The following EFR3B variants were observed in gnomAD, a reference collection of about 807,000 sequenced individuals.
The protein encoded by EFR3B is protein EFR3 homolog B.
In EFR3B, 64 loss-of-function variants were observed where a neutral mutation model predicts 104.7. The ratio of observed to expected loss-of-function variants is 0.61; its 90% CI spans 0.50 to 0.75. The LOEUF is 0.75. EFR3B is among the 30% of genes least tolerant of loss of function. EFR3B has a pLI of 0.00. For missense variants in EFR3B, 750 were observed against 1,078.5 expected (o/e 0.70, Z 4.27); for synonymous variants, 385 against 417.9 (o/e 0.92, Z 0.96).
chr2:25,131,225 C>T lies in EFR3B; in HGVS notation c.850-143C>T, dbSNP rs1322630601. On this transcript the variant is annotated intron_variant, in intron 8 of 22. Transcript: ENST00000403714. This position sits in a 1 kb window ranked among gnomAD's most constrained non-coding sequence, Gnocchi z 7.6. ...GAAGGGAAGGATCCAGTAAAGGGCA[C>T]GAGGTGTCAGTGCCAACTGCAGTGC... The T allele has an allele frequency of 3.6e-6, 4 of 1,118,368 alleles. No individual in the cohort carries two copies. Among genetic ancestry groups the T allele is most frequent in the Non-Finnish European group, 5.0e-6 (4 of 804,554 alleles). 69.3% of individuals were successfully genotyped at this position (1,118,368 alleles called of 1,614,324 possible).
intron 1 of EFR3B, among the ~76,000 whole-genome samples, chr2:25,076,329 G>T (rs745740612): frequency 2.0e-5 from 3 of 152,158 alleles, no homozygotes; most frequent in Non-Finnish European, 2.9e-5. Context: ...TTGGGAAAAA[G>T]ATTTTAATAA....
chr2:25,042,671 G>A lies in EFR3B; in HGVS notation c.7+352G>A. ...TTTGCGGAATTAACAAAAGCGGTTTGTGCCTGGGAGTTTTCTGTGGGAAGC... is the reference window on the plus strand; with the variant it reads ...TTTGCGGAATTAACAAAAGCGGTTTATGCCTGGGAGTTTTCTGTGGGAAGC... On this transcript the variant is annotated intron_variant, in intron 1 of 22. Coordinates refer to ENST00000403714, the MANE Select transcript of EFR3B (RefSeq NM_014971.2). The surrounding 1 kb of genome is among the most constrained non-coding windows in gnomAD (Gnocchi z 5.4). 1 of 1,039,292 alleles carries A rather than the reference G, an allele frequency of 9.6e-7. No homozygotes were observed. The highest frequency in any genetic ancestry group is 1.2e-6 in the Non-Finnish European group (1 of 864,910). The allele number at this position is 1,039,292 out of a possible 1,614,324, so 64.4% of individuals were successfully genotyped here. A position where few individuals can be genotyped will look rare whatever the true frequency, so the allele number is the denominator to read the frequency against.
At chr2:25,087,727 C>T (rs550751410) in intron 1 of EFR3B, among the ~76,000 whole-genome samples, 6 of 152,304 alleles carry the variant, frequency 3.9e-5, no homozygotes, top group Non-Finnish European at 8.8e-5. Context: ...CCTACATCAG[C>T]CTCCCAAAGT....
intron 4 of EFR3B, among the ~76,000 whole-genome samples, chr2:25,116,310 G>A (rs1291335756): frequency 6.6e-6 from 1 of 152,104 alleles, no homozygotes; most frequent in African/African-American, 2.4e-5. Flanking sequence ...GTTCCTAGGA[G>A]GTGATAGATA....
intron 4 of EFR3B, among the ~76,000 whole-genome samples, chr2:25,112,572 G>A (rs1277728820): frequency 3.9e-5 from 6 of 152,192 alleles, no homozygotes; most frequent in Non-Finnish European, 7.3e-5. Flanking sequence ...AGTGAAAACT[G>A]CTCTAGGGAA....
In EFR3B at chr2:25,131,976, G is replaced by T. The variant is rs1383206257; in HGVS notation, c.1147+65G>T. 2 of 560,612 alleles carry T rather than the reference G, an allele frequency of 3.6e-6. No homozygotes were observed. The highest frequency in any genetic ancestry group is 2.8e-5 in the South Asian group (1 of 35,654). The allele number at this position is 560,612 out of a possible 1,614,324, so 34.7% of individuals were successfully genotyped here. A position where few individuals can be genotyped will look rare whatever the true frequency, so the allele number is the denominator to read the frequency against. On this transcript the variant is annotated intron_variant, in intron 10 of 22. Coordinates refer to ENST00000403714, the MANE Select transcript of EFR3B (RefSeq NM_014971.2). This position sits in a 1 kb window ranked among gnomAD's most constrained non-coding sequence, Gnocchi z 7.6. ...GCGCGGAGTGGGGAGGGGAGGGGAG[G>T]GACGGGACGGGGCCCAGGGGCTCAA...
chr2:25,042,302 GC>G lies in EFR3B; in HGVS notation c.-7del. The G allele has an allele frequency of 7.7e-7, 1 of 1,291,518 alleles. No homozygotes were observed. The highest frequency in any genetic ancestry group is 9.8e-7 in the Non-Finnish European group (1 of 1,022,212). The allele number at this position is 1,291,518 out of a possible 1,614,324, so 80.0% of individuals were successfully genotyped here. A position where few individuals can be genotyped will look rare whatever the true frequency, so the allele number is the denominator to read the frequency against. On this transcript the variant is annotated 5_prime_UTR_variant, in exon 1 of 23. Transcript: ENST00000403714. The surrounding 1 kb of genome is among the most constrained non-coding windows in gnomAD (Gnocchi z 5.4). Reference sequence around the variant, plus strand: ...GACGCCGGCCTCTCGAGAGGCGCGCGCCCCGCCGAGATGTACGGTAAGGAGG... The same window carrying G: ...GACGCCGGCCTCTCGAGAGGCGCGCGCCCGCCGAGATGTACGGTAAGGAGG...
At chr2:25,068,816 C>T (rs949617757) in intron 1 of EFR3B, among the ~76,000 whole-genome samples, 6 of 151,418 alleles carry the variant, frequency 4.0e-5, no homozygotes, top group African/African-American at 1.5e-4. Context: ...TTTTTAGTAG[C>T]GATGGGGTTT....
chr2:25,118,767 G>C (rs895002593), intron 4 of EFR3B, among the ~76,000 whole-genome samples: 1 of 144,798 alleles, frequency 6.9e-6, no homozygotes, highest in East Asian at 2.0e-4. Context: ...AAGGCAGGGC[G>C]TGGTGGTTCA....
In EFR3B at chr2:25,042,335, CG is replaced by C; in HGVS notation, c.7+17del. Reference sequence around the variant, plus strand: ...GAGATGTACGGTAAGGAGGGCTCCGCGCCCGGGCCCGGGCCCGCGGGGGCGA... The same window carrying C: ...GAGATGTACGGTAAGGAGGGCTCCGCCCCGGGCCCGGGCCCGCGGGGGCGA... On this transcript the variant is annotated intron_variant, in intron 1 of 22. Coordinates refer to ENST00000403714, the MANE Select transcript of EFR3B (RefSeq NM_014971.2). The surrounding 1 kb of genome is among the most constrained non-coding windows in gnomAD (Gnocchi z 5.4). The C allele has an allele frequency of 1.6e-6, 2 of 1,262,714 alleles. No homozygotes were observed. Among genetic ancestry groups the C allele is most frequent in the Non-Finnish European group, 2.0e-6 (2 of 1,002,840 alleles). The allele number at this position is 1,262,714 out of a possible 1,614,324, so 78.2% of individuals were successfully genotyped here. A position where few individuals can be genotyped will look rare whatever the true frequency, so the allele number is the denominator to read the frequency against.
rs1262131126 is a variant in EFR3B at position 25,128,188 on chromosome 2, G to A, written c.491G>A (p.Arg164Gln). The change falls in exon 6 of 23, where the codon CGA becomes CAA. Residue 164 changes from arginine (R) to glutamine (Q), a missense_variant. Transcript: ENST00000403714. ...CTTCACCCTTTTCCTTACAGAATTC[G>A]AATGTCAGGCATCAAAGGCCTGCAA... is the stretch of plus-strand genomic sequence containing the variant. The part of the protein sequence containing the change: ...HDDLEIKTKI[R>Q]MSGIKGLQGV... The A allele has an allele frequency of 3.2e-6, 5 of 1,551,676 alleles. No homozygotes were observed. The highest frequency in any genetic ancestry group is 3.5e-6 in the Non-Finnish European group (4 of 1,146,982).
intron 20 of EFR3B, 77 bp downstream of exon 20, chr2:25,149,819 A>C: frequency 7.6e-7 from 1 of 1,310,594 alleles, no homozygotes; most frequent in Non-Finnish European, 1.1e-6. Flanking sequence ...CAGATGCAGC[A>C]GGACACACCA....
At position 25,149,938 on chromosome 2, in the gene EFR3B, G is replaced by A. The variant is rs568505551; in HGVS notation, c.2191+196G>A. ...CTGAATATCCCTGCTCTCCTGATGG[G>A]GGTCAGTAGTGAGGCCCTGTGTGGC... On this transcript the variant is annotated intron_variant, in intron 20 of 22. Coordinates refer to ENST00000403714, the MANE Select transcript of EFR3B (RefSeq NM_014971.2). Among the ~76,000 whole-genome samples, 5 of 152,322 alleles carry A rather than the reference G, an allele frequency of 3.3e-5. No homozygotes were observed. In the East Asian group the frequency reaches 7.7e-4, roughly 24 times the overall value.
intron 4 of EFR3B, among the ~76,000 whole-genome samples, chr2:25,107,892 GGA>G (rs1448620635): frequency 6.6e-6 from 1 of 151,254 alleles, no homozygotes; most frequent in East Asian, 1.9e-4. Flanking sequence ...TGCCCAGTCT[GGA>G]GTGCAGTGGT....
Position 25,130,420 on chromosome 2 carries a change from C to A in EFR3B, c.771-132C>A. 1.1e-6 allele frequency: 1 copy of A among 876,930 alleles called. No homozygotes were observed. Among genetic ancestry groups the A allele is most frequent in the South Asian group, 1.5e-5 (1 of 65,100 alleles). 54.3% of individuals were successfully genotyped at this position (876,930 alleles called of 1,614,324 possible). On this transcript the variant is annotated intron_variant, in intron 7 of 22. Transcript: ENST00000403714. The surrounding 1 kb of genome is among the most constrained non-coding windows in gnomAD (Gnocchi z 4.6). ...GGACTGGGACTACCCCAAGGCCCTTCAGGCTTCACTTCCTCACCCGGGAAC... is the reference window on the plus strand; with the variant it reads ...GGACTGGGACTACCCCAAGGCCCTTAAGGCTTCACTTCCTCACCCGGGAAC...
intron 1 of EFR3B, among the ~76,000 whole-genome samples, chr2:25,057,162 G>A (rs1190507040): frequency 6.6e-6 from 1 of 152,088 alleles, no homozygotes; most frequent in Non-Finnish European, 1.5e-5. Flanking sequence ...GGTAAGACAG[G>A]GATAATTCTC....
rs555612190 is a variant in EFR3B, at chr2:25,116,451, C to T, written c.364-5222C>T. Among the ~76,000 whole-genome samples the T allele has an allele frequency of 1.2e-4, 19 of 152,094 alleles. No individual in the cohort carries two copies. In the South Asian group the frequency reaches 4.0e-3, roughly 32 times the overall value. On this transcript the variant is annotated intron_variant, in intron 4 of 22. Coordinates refer to ENST00000403714, the MANE Select transcript of EFR3B (RefSeq NM_014971.2). ...CCAGCCTGGTCAACATGGCAAAACC[C>T]CGTCTCTACTAAAAATACAAAAATT...
chr2:25,093,159 A>G (rs1669180162), intron 3 of EFR3B, 29 bp downstream of exon 3: 1 of 1,549,580 alleles, frequency 6.5e-7, no homozygotes, highest in African/African-American at 1.4e-5. Context: ...AGGGAGAGAG[A>G]TTGTCAGGAA....
At chr2:25,101,074 G>A (rs1442164776) in intron 3 of EFR3B, among the ~76,000 whole-genome samples, 1 of 152,192 alleles carries the variant, frequency 6.6e-6, no homozygotes, top group Non-Finnish European at 1.5e-5. Context: ...AGGTGCTTGT[G>A]CTATTTAGAG....
Sources: allele counts gnomAD v4.1 joint callset (sites outside exome capture counted in the v4.1 genomes callset), GRCh38; gene constraint gnomAD v4.1.1; non-coding constraint Gnocchi (gnomAD v3.1); transcripts MANE v1.5; gene names NCBI Gene and HGNC (gene_info 2026-07-23, HGNC 2026-07-21).